CYREN: variants seen among roughly 807,000 people sequenced by gnomAD.
The protein encoded by CYREN is cell cycle regulator of NHEJ.
A neutral mutation model predicts 9.7 loss-of-function variants in CYREN; 7 were observed. The observed-to-expected ratio is 0.72, with a 90% CI of 0.41 to 1.36. The LOEUF is 1.36. Among genes scored for constraint, CYREN ranks in the 40% most tolerant of loss-of-function variants. CYREN has a pLI of 0.01. For synonymous variants in CYREN, 76 were observed against 77.9 expected (o/e 0.98, Z 0.13); for missense variants, 215 against 198.1 (o/e 1.09, Z -0.51).
chr7:135,122,194 C>T (rs1485562891), intron 2 of CYREN, among the ~76,000 whole-genome samples: 3 of 152,224 alleles, frequency 2.0e-5, no homozygotes, highest in Non-Finnish European at 2.9e-5. Flanking sequence ...TGCTTTTCCT[C>T]TGCTGGAGTC....
chr7:135,134,827 C>T (rs1316548793), intron 2 of CYREN: 4 of 1,545,508 alleles, frequency 2.6e-6, no homozygotes, highest in Non-Finnish European at 3.5e-6. Context: ...TCACGTATTT[C>T]ATTTCTTTTC....
intron 2 of CYREN, chr7:135,101,187 T>G (rs1270883706): frequency 2.2e-6 from 1 of 456,236 alleles, no homozygotes; most frequent in East Asian, 6.9e-5. Flanking sequence ...AACTGATTTG[T>G]ATGGAAACTG....
At chr7:135,143,439 G>A (rs1177749234) in intron 2 of CYREN, among the ~76,000 whole-genome samples, 2 of 152,156 alleles carry the variant, frequency 1.3e-5, no homozygotes, top group Non-Finnish European at 2.9e-5. Context: ...AACAAATCCA[G>A]ATGCAGACCT....
chr7:135,167,895 C>G, intron 2 of CYREN, 88 bp from the exon 3 acceptor site: 3 of 1,589,874 alleles, frequency 1.9e-6, no homozygotes, highest in Non-Finnish European at 2.6e-6. Context: ...GCCTCTTCCC[C>G]CTGCCTTCCT....
At chr7:135,133,418 T>C (rs1829067994) in intron 2 of CYREN, among the ~76,000 whole-genome samples, 1 of 152,230 alleles carries the variant, frequency 6.6e-6, no homozygotes, top group African/African-American at 2.4e-5. Flanking sequence ...TTTGTATATA[T>C]AGACAAGATT....
At chr7:135,164,878 T>A, downstream of CYREN, 1 of 1,614,178 alleles carries the variant, frequency 6.2e-7, no homozygotes, top group Non-Finnish European at 8.5e-7. Context: ...AGGCTCTCCC[T>A]CCCGGGGCCT....
At chr7:135,103,659 AG>A (rs1824203722) in intron 2 of CYREN, among the ~76,000 whole-genome samples, 1 of 152,144 alleles carries the variant, frequency 6.6e-6, no homozygotes, top group Non-Finnish European at 1.5e-5. Context: ...GGAGACTGAG[AG>A]GGGAATAATA....
intron 2 of CYREN, 146 bp downstream of exon 2, chr7:135,168,640 C>T (rs1830416710): frequency 1.5e-5 from 20 of 1,296,914 alleles, no homozygotes; most frequent in Non-Finnish European, 2.1e-5. Flanking sequence ...ACAGCCCCTC[C>T]ACCTTCTAAA....
At chr7:135,099,778 G>A (rs1180436866) in intron 2 of CYREN, among the ~76,000 whole-genome samples, 1 of 151,870 alleles carries the variant, frequency 6.6e-6, no homozygotes, top group Non-Finnish European at 1.5e-5. Flanking sequence ...TGTTTTAGCA[G>A]GTTCTGGGAA....
chr7:135,113,216 T>C (rs1281786177), intron 2 of CYREN, among the ~76,000 whole-genome samples: 5 of 151,874 alleles, frequency 3.3e-5, no homozygotes, highest in Admixed American at 3.3e-4. Context: ...ATGTGTGCTT[T>C]ATTTATCTTT....
intron 2 of CYREN, among the ~76,000 whole-genome samples, chr7:135,127,422 G>A (rs1270830498): frequency 1.3e-5 from 2 of 151,994 alleles, no homozygotes; most frequent in Non-Finnish European, 2.9e-5. Flanking sequence ...GTGTGGTGGC[G>A]CACGCCTGTA....
At chr7:135,135,118 A>T in intron 2 of CYREN, 1 of 1,551,132 alleles carries the variant, frequency 6.4e-7, no homozygotes, top group Non-Finnish European at 8.7e-7. Context: ...AAATGTTCTA[A>T]AATATAAGAG....
intron 2 of CYREN, among the ~76,000 whole-genome samples, chr7:135,136,015 C>A (rs747488746): frequency 1.1e-4 from 16 of 152,106 alleles, no homozygotes; most frequent in Non-Finnish European, 2.4e-4. Flanking sequence ...ATAAGTCCAG[C>A]ACCTCAGTTT....
intron 2 of CYREN, among the ~76,000 whole-genome samples, chr7:135,146,958 G>T (rs1375177071): frequency 6.6e-6 from 1 of 152,134 alleles, no homozygotes; most frequent in Non-Finnish European, 1.5e-5. Flanking sequence ...TCACTCACCA[G>T]TATTGAGTTT....
At chr7:135,168,674 A>C in intron 2 of CYREN, 112 bp downstream of exon 2, 1 of 1,455,652 alleles carries the variant, frequency 6.9e-7, no homozygotes, top group Non-Finnish European at 9.2e-7. Context: ...ATCAGACTGA[A>C]ACACCCGCCC....
chr7:135,165,211 G>T (rs1830063262), downstream of CYREN: 2 of 535,002 alleles, frequency 3.7e-6, no homozygotes, highest in African/African-American at 1.9e-5. Flanking sequence ...TGTCCTTCAG[G>T]ACTTCCAAGG....
rs367914605 is a variant in CYREN, at chr7:135,096,590, T to A, written n.357-2008A>T. Among the ~76,000 whole-genome samples the A allele has an allele frequency of 6.5e-3, 703 of 107,514 alleles. 18 individuals carry two copies. Among genetic ancestry groups the A allele is most frequent in the South Asian group, 0.011 (24 of 2,198 alleles). 70.5% of individuals were successfully genotyped at this position (107,514 alleles called of 152,430 possible). A position where few individuals can be genotyped will look rare whatever the true frequency, so the allele number is the denominator to read the frequency against. The stretch of plus-strand genomic sequence containing the variant: ...ATAGATAGATAGATAGATACATAGA[T>A]AGATAGATAGATAGATAGATAGATA... On this transcript the variant is annotated intron_variant and non_coding_transcript_variant, in intron 2 of 2. Coordinates refer to the CYREN transcript ENST00000459937.
chr7:135,136,231 G>C (rs1829341708), intron 2 of CYREN, among the ~76,000 whole-genome samples: 1 of 152,088 alleles, frequency 6.6e-6, no homozygotes, highest in South Asian at 2.1e-4. Flanking sequence ...AAAAATACAG[G>C]CCACAGCCTA....
At position 135,149,578 on chromosome 7, in the gene CYREN, G is replaced by A. The variant is rs150918629; in HGVS notation, n.356+19171C>T. ...GCCAAAGAGATATGACTATTTTTAG[G>A]GTTTTTAATGTTTATTGCCAATCTG... On this transcript the variant is annotated intron_variant and non_coding_transcript_variant, in intron 2 of 2. Transcript: ENST00000459937. Among the ~76,000 whole-genome samples, 4 of 152,114 alleles carry A rather than the reference G, an allele frequency of 2.6e-5. No individual in the cohort carries two copies. In the East Asian group the frequency reaches 5.8e-4, roughly 22 times the overall value.
Sources: allele counts gnomAD v4.1 joint callset (sites outside exome capture counted in the v4.1 genomes callset), GRCh38; gene constraint gnomAD v4.1.1; transcripts MANE v1.5; gene names NCBI Gene and HGNC (gene_info 2026-07-23, HGNC 2026-07-21).